FRMD6: variants seen among roughly 807,000 people sequenced by gnomAD.
FRMD6 encodes the protein FERM domain-containing protein 6.
Under a neutral mutation model 73.2 loss-of-function variants are expected in FRMD6, and 37 were observed. That is an observed-to-expected ratio of 0.51 (90% CI 0.39 to 0.66). The LOEUF (loss-of-function observed/expected upper bound fraction) is 0.66, where lower values mean the gene tolerates loss of function less well. Among genes scored for constraint, FRMD6 ranks in the 30% least tolerant of loss-of-function variants. FRMD6 has a pLI of 0.00. For synonymous variants in FRMD6, 273 were observed against 282.2 expected (o/e 0.97, Z 0.33); for missense variants, 714 against 780.5 (o/e 0.91, Z 1.02).
At chr14:51,497,234 C>CTT (rs540369904) in intron 1 of FRMD6, among the ~76,000 whole-genome samples, 7,769 of 137,836 alleles carry the variant, frequency 0.056, 240 homozygotes, top group Admixed American at 0.096. Context: ...TCTGAAATAA[C>CTT]TTTTTTTTTT....
At chr14:51,455,965 G>A in the FRMD6 span, among the ~76,000 whole-genome samples, 3 of 152,172 alleles carry the variant, frequency 2.0e-5, no homozygotes, top group Non-Finnish European at 4.4e-5. Context: ...ACCTGTGCCT[G>A]ATCTCCCTGT....
At chr14:51,619,405 A>G (rs548332900) in intron 2 of FRMD6, among the ~76,000 whole-genome samples, 5 of 152,164 alleles carry the variant, frequency 3.3e-5, no homozygotes, top group African/African-American at 1.2e-4. Context: ...GGAAAGGAAA[A>G]GAAGAAGAAA....
chr14:51,668,961 G>A (rs1008861300), intron 1 of FRMD6, among the ~76,000 whole-genome samples: 2 of 152,128 alleles, frequency 1.3e-5, no homozygotes, highest in African/African-American at 2.4e-5. Flanking sequence ...AAGCCACCAT[G>A]CCTGCCCAAA....
chr14:51,434,012 A>G, the FRMD6 span, among the ~76,000 whole-genome samples: 7 of 152,238 alleles, frequency 4.6e-5, no homozygotes, highest in South Asian at 6.2e-4. Context: ...CTGAAGCTAC[A>G]TATCTACTAG....
intron 1 of FRMD6, among the ~76,000 whole-genome samples, chr14:51,669,839 A>C (rs1893869457): frequency 6.7e-6 from 1 of 149,994 alleles, no homozygotes; most frequent in Non-Finnish European, 1.5e-5. Context: ...TCAGAGGGCA[A>C]AATTAAAAAG....
At chr14:51,469,998 G>A in the FRMD6 span, among the ~76,000 whole-genome samples, 1 of 151,994 alleles carries the variant, frequency 6.6e-6, no homozygotes, top group South Asian at 2.1e-4. Flanking sequence ...CTATTCAGAT[G>A]TTCTGTTTCT....
At chr14:51,444,974 T>C in the FRMD6 span, among the ~76,000 whole-genome samples, 1 of 152,172 alleles carries the variant, frequency 6.6e-6, no homozygotes, top group Non-Finnish European at 1.5e-5. Flanking sequence ...TATAATACTA[T>C]AATGATCATT....
At chr14:51,538,181 G>A (rs567482176) in intron 1 of FRMD6, among the ~76,000 whole-genome samples, 3 of 152,172 alleles carry the variant, frequency 2.0e-5, no homozygotes, top group South Asian at 2.1e-4. Context: ...TAATTTTTGT[G>A]AAAGGTACAA....
At chr14:51,464,060 T>G in the FRMD6 span, among the ~76,000 whole-genome samples, 15 of 152,316 alleles carry the variant, frequency 9.8e-5, no homozygotes, top group East Asian at 2.7e-3. Context: ...TCCTCCTACC[T>G]TGGCCACCCA....
chr14:51,440,527 G>A, the FRMD6 span, among the ~76,000 whole-genome samples: 7 of 152,168 alleles, frequency 4.6e-5, no homozygotes, highest in Non-Finnish European at 1.0e-4. Context: ...AACTGCACAC[G>A]TTTAGCACAT....
intron 1 of FRMD6, among the ~76,000 whole-genome samples, chr14:51,510,507 A>G (rs973018647): frequency 3.3e-5 from 5 of 151,888 alleles, no homozygotes; most frequent in Non-Finnish European, 7.4e-5. Context: ...AATATATTTT[A>G]TTACTACAGA....
intron 1 of FRMD6, among the ~76,000 whole-genome samples, chr14:51,687,514 C>A (rs763420483): frequency 1.3e-5 from 2 of 151,978 alleles, no homozygotes; most frequent in Non-Finnish European, 2.9e-5. Context: ...AATGGTATGC[C>A]TAAGAATATT....
chr14:51,685,962 TG>T (rs1895121980), intron 1 of FRMD6, among the ~76,000 whole-genome samples: 2 of 152,216 alleles, frequency 1.3e-5, no homozygotes, highest in Admixed American at 1.3e-4. Context: ...GCCTTGTTTT[TG>T]TTAGGTGATG....
intron 1 of FRMD6, among the ~76,000 whole-genome samples, chr14:51,493,681 A>C (rs1883139946): frequency 6.6e-6 from 1 of 152,196 alleles, no homozygotes; most frequent in African/African-American, 2.4e-5. Flanking sequence ...ATGTCAATGA[A>C]ATGACATACT....
the FRMD6 span, among the ~76,000 whole-genome samples, chr14:51,428,538 A>G: frequency 2.0e-5 from 3 of 152,198 alleles, no homozygotes; most frequent in Non-Finnish European, 4.4e-5. Context: ...CATATGCACC[A>G]AGACATGATT....
At chr14:51,466,371 G>A in the FRMD6 span, among the ~76,000 whole-genome samples, 4 of 152,112 alleles carry the variant, frequency 2.6e-5, no homozygotes, top group East Asian at 7.7e-4. Flanking sequence ...TTCTTTGAAA[G>A]TTTAATAGTT....
chr14:51,612,610 T>C (rs957062558), intron 2 of FRMD6, among the ~76,000 whole-genome samples: 7 of 152,200 alleles, frequency 4.6e-5, no homozygotes, highest in Non-Finnish European at 8.8e-5. Flanking sequence ...TGAACTGAGA[T>C]AGCAGGCACT....
chr14:51,689,632 G>A (rs1895403830), intron 1 of FRMD6, 59 bp from the exon 2 acceptor site: 4 of 569,728 alleles, frequency 7.0e-6, no homozygotes, highest in African/African-American at 1.9e-5. Context: ...TCTTCCTGAC[G>A]CGCTCTTCGC....
intron 2 of FRMD6, among the ~76,000 whole-genome samples, chr14:51,598,205 C>T (rs58707548): frequency 0.022 from 3,377 of 152,140 alleles, 136 homozygotes; most frequent in African/African-American, 0.078. Context: ...CCCTAGCCCC[C>T]AAAAAACCAA....
Sources: gnomAD v4.1 joint callset for allele counts (sites outside exome capture counted in the v4.1 genomes callset) on GRCh38, gnomAD v4.1.1 for gene constraint, MANE v1.5 for transcripts, NCBI Gene and HGNC (gene_info 2026-07-23, HGNC 2026-07-21) for gene names.